SLC6A12: variants seen among roughly 807,000 people sequenced by gnomAD.
SLC6A12 encodes the protein sodium- and chloride-dependent betaine transporter.
SLC6A12 carries 50 observed loss-of-function variants against 73.3 expected under a neutral mutation model. The observed-to-expected ratio is 0.68, with a 90% CI of 0.54 to 0.86. SLC6A12 has a LOEUF of 0.86. Among genes scored for constraint, SLC6A12 ranks in the 40% least tolerant of loss-of-function variants. SLC6A12 has a pLI of 0.00. For missense variants in SLC6A12, 648 were observed against 772.8 expected (o/e 0.84, Z 1.92); for synonymous variants, 304 against 309.2 (o/e 0.98, Z 0.18).
At chr12:205,995 C>T (rs895372652) in intron 3 of SLC6A12, among the ~76,000 whole-genome samples, 2 of 152,220 alleles carry the variant, frequency 1.3e-5, no homozygotes, top group African/African-American at 4.8e-5. Context: ...TTGTCTAATT[C>T]ATTCCTTAGT....
downstream of SLC6A12, among the ~76,000 whole-genome samples, chr12:186,285 CAG>C (rs150411419): frequency 3.4e-3 from 515 of 152,324 alleles, 2 homozygotes; most frequent in Middle Eastern, 6.8e-3. Context: ...CTTGACCCAA[CAG>C]AGAGCCCACA....
intron 6 of SLC6A12, 28 bp downstream of exon 6, chr12:201,734 A>C (rs371624886): frequency 1.3e-6 from 2 of 1,570,128 alleles, no homozygotes; most frequent in South Asian, 2.2e-5. Flanking sequence ...TTTCCTCTTC[A>C]TATGTGGCAA....
intron 13 of SLC6A12, among the ~76,000 whole-genome samples, chr12:194,310 G>C (rs1939760889): frequency 6.6e-6 from 1 of 152,248 alleles, no homozygotes; most frequent in Non-Finnish European, 1.5e-5. Context: ...TCCATGGAGA[G>C]GAAAGGACAC....
chr12:200,600 CCG>C, intron 7 of SLC6A12, 49 bp downstream of exon 7: 1 of 1,595,726 alleles, frequency 6.3e-7, no homozygotes, highest in Non-Finnish European at 8.6e-7. Context: ...TCAAGTGTCC[CCG>C]TAGACTCTGG....
chr12:197,742 G>A (rs941832331), intron 9 of SLC6A12, among the ~76,000 whole-genome samples, 158 bp downstream of exon 9: 2 of 151,850 alleles, frequency 1.3e-5, no homozygotes, highest in African/African-American at 4.8e-5. Context: ...AAAGGAAGAA[G>A]GAAGACATTT....
At chr12:186,748 T>TA (rs2137090369), downstream of SLC6A12, among the ~76,000 whole-genome samples, 1 of 152,334 alleles carries the variant, frequency 6.6e-6, no homozygotes, top group East Asian at 1.9e-4. Context: ...TCTATTGAGA[T>TA]GTAGCTCTGA....
At chr12:210,077 C>T (rs539852975) in intron 2 of SLC6A12, 34 bp from the exon 3 acceptor site, 114 of 1,520,856 alleles carry the variant, frequency 7.5e-5, no homozygotes, top group Non-Finnish European at 9.6e-5. Context: ...CTGTAAAACC[C>T]GACATGCTCC....
At chr12:197,624 C>T (rs1939989513) in intron 9 of SLC6A12, 123 bp from the exon 10 acceptor site, 7 of 1,010,662 alleles carry the variant, frequency 6.9e-6, no homozygotes, top group South Asian at 1.8e-5. Flanking sequence ...AAGGGGGAGG[C>T]AAGGGAGGCA....
At chr12:197,162 CA>C (rs1939936118) in intron 10 of SLC6A12, among the ~76,000 whole-genome samples, 2 of 4,520 alleles carry the variant, frequency 4.4e-4, no homozygotes, top group African/African-American at 5.7e-4. Flanking sequence ...TCCATCCATC[CA>C]TCCATCCATC....
At chr12:212,633 G>C (rs554282094) in intron 1 of SLC6A12, among the ~76,000 whole-genome samples, 1 of 152,200 alleles carries the variant, frequency 6.6e-6, no homozygotes, top group Non-Finnish European at 1.5e-5. Flanking sequence ...AGCTGGCCCC[G>C]AGCCGTGGTA....
Position 198,017 on chromosome 12 carries a change from C to A in SLC6A12, c.847-14G>T, listed in dbSNP as rs1260154577. On this transcript the variant is annotated splice_polypyrimidine_tract_variant and intron_variant, in intron 8 of 15. Transcript: ENST00000684302. The surrounding 1 kb of genome is among the most constrained non-coding windows in gnomAD (Gnocchi z 4.0). ...ATCCATCCACACCTACACAAAACCC[C>A]AAGAAAGAGGTAGAGGCAGCCCCCA... The A allele has an allele frequency of 6.2e-7, 1 of 1,611,226 alleles. No individual in the cohort carries two copies. Among genetic ancestry groups the A allele is most frequent in the Admixed American group, 1.7e-5 (1 of 59,998 alleles).
chr12:197,206 C>CCCCTCCTCTTTCTCATGGTA (rs71045048), intron 10 of SLC6A12, among the ~76,000 whole-genome samples, 171 bp downstream of exon 10: 2 of 42,950 alleles, frequency 4.7e-5, no homozygotes, highest in Admixed American at 3.5e-4. Context: ...TTCATCCATC[C>CCCCTCCTCTTTCTCATGGTA]ATGGAAGCCC....
chr12:197,874 C>T (rs759347693), intron 9 of SLC6A12, 26 bp downstream of exon 9: 1 of 1,482,438 alleles, frequency 6.7e-7, no homozygotes, highest in Non-Finnish European at 9.4e-7. Context: ...CCTCCTTCAC[C>T]CCACCCCGGC....
chr12:201,214 G>C (rs1940244029), intron 6 of SLC6A12: 1 of 189,690 alleles, frequency 5.3e-6, no homozygotes, highest in South Asian at 1.2e-4. Context: ...AGGTGTGAGG[G>C]CATTGGTGCC....
At chr12:202,606 T>C (rs750151162) in intron 5 of SLC6A12, 134 bp downstream of exon 5, 1 of 828,508 alleles carries the variant, frequency 1.2e-6, no homozygotes, top group East Asian at 2.7e-5. Context: ...GGAGCAGAGC[T>C]GCCCAGGAGC....
rs945422106 is a variant in SLC6A12 at position 198,993 on chromosome 12, G to A, written c.712-62C>T. ...GGGGACGCAGTGGCCCTCCAGCCAC[G>A]CCCCACAGGCAGCTCGAGTCACACG... On this transcript the variant is annotated intron_variant, in intron 7 of 15. Coordinates refer to ENST00000684302, the MANE Select transcript of SLC6A12 (RefSeq NM_001122848.3). This position sits in a 1 kb window ranked among gnomAD's most constrained non-coding sequence, Gnocchi z 4.0. 3.0e-5 allele frequency: 47 copies of A among 1,559,412 alleles called. No individual in the cohort carries two copies. The highest frequency in any genetic ancestry group is 3.8e-5 in the Non-Finnish European group (43 of 1,133,728).
rs576180535 is a variant in SLC6A12, at chr12:200,355, G to T, written c.711+296C>A. Among the ~76,000 whole-genome samples, 927 of 152,124 alleles carry T rather than the reference G, an allele frequency of 6.1e-3. 16 individuals are homozygous for T. Among genetic ancestry groups the T allele is most frequent in the African/African-American group, 0.021 (871 of 41,486 alleles). On this transcript the variant is annotated intron_variant, in intron 7 of 15. Transcript: ENST00000684302. ...GATCTCCTGACCTCGTGATCCGCCA[G>T]CCTCGGCCTCCCAAAGTGCTGGGAT... is the stretch of plus-strand genomic sequence containing the variant.
At chr12:196,696 A>C in intron 11 of SLC6A12, 74 bp downstream of exon 11, 1 of 1,042,492 alleles carries the variant, frequency 9.6e-7, no homozygotes, top group Non-Finnish European at 1.5e-6. Context: ...GAGTGAGGGG[A>C]AAGTAGTCCC....
At chr12:196,715 CA>C in intron 11 of SLC6A12, 54 bp downstream of exon 11, 1 of 1,277,222 alleles carries the variant, frequency 7.8e-7, no homozygotes, top group Non-Finnish European at 1.1e-6. Flanking sequence ...CCAGGACAAG[CA>C]AAGGCTTGCA....
Sources: allele counts gnomAD v4.1 joint callset (sites outside exome capture counted in the v4.1 genomes callset), GRCh38; gene constraint gnomAD v4.1.1; non-coding constraint Gnocchi (gnomAD v3.1); transcripts MANE v1.5; gene names NCBI Gene and HGNC (gene_info 2026-07-23, HGNC 2026-07-21).